Variants in KCNT2 observed in about 807,000 individuals in gnomAD.
The protein encoded by KCNT2 is potassium sodium-activated channel subfamily T member 2.
A neutral mutation model predicts 153.8 loss-of-function variants in KCNT2; 67 were observed. That is an observed-to-expected ratio of 0.44 (90% CI 0.36 to 0.53). The LOEUF (loss-of-function observed/expected upper bound fraction) is 0.53, where lower values mean the gene tolerates loss of function less well. KCNT2 is among the 20% of genes least tolerant of loss of function. The probability of loss-of-function intolerance (pLI) is 0.00; values close to 1 mark genes in which losing one functional copy is unlikely to be tolerated. For synonymous variants in KCNT2, 500 were observed against 458.8 expected (o/e 1.09, Z -1.15); for missense variants, 975 against 1,354.8 (o/e 0.72, Z 4.40).
chr1:196,244,005 C>T (rs1383424578), intron 26 of KCNT2, among the ~76,000 whole-genome samples: 2 of 151,982 alleles, frequency 1.3e-5, no homozygotes, highest in African/African-American at 2.4e-5. Flanking sequence ...CCAGCTCAGC[C>T]ATAGTATGAT....
At chr1:196,594,356 T>A (rs1246029739) in intron 1 of KCNT2, among the ~76,000 whole-genome samples, 1 of 152,156 alleles carries the variant, frequency 6.6e-6, no homozygotes, top group Non-Finnish European at 1.5e-5. Flanking sequence ...CATTAAAAAC[T>A]ATTTTGTTTC....
intron 1 of KCNT2, among the ~76,000 whole-genome samples, chr1:196,537,581 G>T (rs924249117): frequency 3.9e-5 from 6 of 152,124 alleles, no homozygotes; most frequent in Non-Finnish European, 5.9e-5. Context: ...ACCTTGGCCA[G>T]TTCCTTCATC....
At chr1:196,495,564 C>A (rs1313379915) in intron 1 of KCNT2, among the ~76,000 whole-genome samples, 2 of 151,968 alleles carry the variant, frequency 1.3e-5, no homozygotes, top group African/African-American at 4.8e-5. Flanking sequence ...TCCCTACCTC[C>A]ATCTAACTTT....
chr1:196,258,690 T>G (rs1169221630), intron 25 of KCNT2, 196 bp from the exon 26 acceptor site: 3 of 638,634 alleles, frequency 4.7e-6, no homozygotes, highest in African/African-American at 3.7e-5. Flanking sequence ...AACGTACATA[T>G]AAATCAGGCA....
chr1:196,561,675 A>AAAAAAAAAAAC (rs1553254846), intron 1 of KCNT2, among the ~76,000 whole-genome samples: 1 of 36,472 alleles, frequency 2.7e-5, no homozygotes, highest in Non-Finnish European at 1.1e-4. Context: ...AAAAAAAAAA[A>AAAAAAAAAAAC]AAGAAGAAGA....
In KCNT2 at chr1:196,326,769, A is replaced by G. The variant is rs1663901752; in HGVS notation, c.2224T>C (p.Tyr742His). The part of the protein sequence containing the change: ...LYNFIVPLRA[Y>H]YRPKKELNPI... ...TTAAGTTCTTTCTTTGGTCTATAAT[A>G]TGCCCTGAGAGGAACAATAAAGTTA... Residue 742 changes from tyrosine (Y) to histidine (H), a missense_variant, in exon 19 of 28, where the codon TAT becomes CAT. By Grantham distance (83) the Tyr-to-His change is moderately conservative (BLOSUM62 2). Coordinates refer to ENST00000294725, the MANE Select transcript of KCNT2 (RefSeq NM_198503.5). 1.3e-6 allele frequency: 2 copies of G among 1,574,526 alleles called. No individual in the cohort carries two copies. The highest frequency in any genetic ancestry group is 1.4e-5 in the African/African-American group (1 of 72,346).
intron 14 of KCNT2, among the ~76,000 whole-genome samples, chr1:196,362,001 A>T (rs773668204): frequency 2.3e-4 from 35 of 151,928 alleles, no homozygotes; most frequent in Non-Finnish European, 3.4e-4. Flanking sequence ...CCTAAGGAGG[A>T]GGGTGATGGA....
intron 26 of KCNT2, 168 bp downstream of exon 26, chr1:196,258,026 T>G (rs1656667997): frequency 7.0e-7 from 1 of 1,420,304 alleles, no homozygotes; most frequent in Non-Finnish European, 9.2e-7. Flanking sequence ...GCATTTTATC[T>G]TATCATCATC....
chr1:196,357,472 T>C (rs763519298), intron 14 of KCNT2, among the ~76,000 whole-genome samples: 1 of 151,994 alleles, frequency 6.6e-6, no homozygotes, highest in Admixed American at 6.6e-5. Context: ...TTTTAATTTA[T>C]TCCAATCCCT....
intron 8 of KCNT2, among the ~76,000 whole-genome samples, chr1:196,431,757 C>G (rs903398497): frequency 2.6e-5 from 4 of 151,946 alleles, no homozygotes; most frequent in African/African-American, 9.7e-5. Context: ...ATTAAAAATG[C>G]AATTTATAAT....
At position 196,483,873 on chromosome 1, in the gene KCNT2, T is replaced by C. The variant is rs1166571982; in HGVS notation, c.276-1494A>G. On this transcript the variant is annotated intron_variant, in intron 3 of 27. Coordinates refer to ENST00000294725, the MANE Select transcript of KCNT2 (RefSeq NM_198503.5). ...TGCCTTGCTAAGTACCTGCATATAT[T>C]AAACTAGGTAACCAATGATCAATGA... Among the ~76,000 whole-genome samples, 3 of 152,184 alleles carry C rather than the reference T, an allele frequency of 2.0e-5. No individual in the cohort carries two copies. In the East Asian group the frequency reaches 5.8e-4, roughly 29 times the overall value.
intron 14 of KCNT2, among the ~76,000 whole-genome samples, chr1:196,355,861 T>A (rs906026838): frequency 3.3e-5 from 5 of 151,798 alleles, no homozygotes; most frequent in African/African-American, 1.2e-4. Context: ...TAAAATTTTA[T>A]AGCTACATTG....
chr1:196,526,778 A>G (rs978546972), intron 1 of KCNT2, among the ~76,000 whole-genome samples: 2 of 151,992 alleles, frequency 1.3e-5, no homozygotes, highest in African/African-American at 2.4e-5. Context: ...GGATAAGCCA[A>G]TGTGTTCTTG....
chr1:196,231,524 A>G (rs1653954665), intron 27 of KCNT2, among the ~76,000 whole-genome samples: 1 of 151,920 alleles, frequency 6.6e-6, no homozygotes. Flanking sequence ...AAAAAAAGAA[A>G]TTCCAAACAT....
At chr1:196,588,595 T>A (rs1234547503) in intron 1 of KCNT2, among the ~76,000 whole-genome samples, 1 of 152,058 alleles carries the variant, frequency 6.6e-6, no homozygotes, top group Non-Finnish European at 1.5e-5. Context: ...TAAATGTCCT[T>A]GTTTGCCTTT....
chr1:196,397,896 G>C (rs1204427621), intron 13 of KCNT2, among the ~76,000 whole-genome samples: 1 of 151,132 alleles, frequency 6.6e-6, no homozygotes. Flanking sequence ...GTGATTGTGG[G>C]GAAAACGTGC....
Position 196,281,033 on chromosome 1 carries a change from A to G in KCNT2, c.2782-45T>C, listed in dbSNP as rs779204347. ...TTTACATATTAAATGTGTCAGAAAT[A>G]AAAACCTAGTGGTAACTTTACATTT... On this transcript the variant is annotated intron_variant, in intron 24 of 27. Coordinates refer to ENST00000294725, the MANE Select transcript of KCNT2 (RefSeq NM_198503.5). The G allele has an allele frequency of 1.0e-5, 15 of 1,459,940 alleles. No individual in the cohort carries two copies. The Admixed American group carries it at 1.6e-4, about 16-fold the overall frequency. The allele number at this position is 1,459,940 out of a possible 1,614,324, so 90.4% of individuals were successfully genotyped here.
At chr1:196,288,998 G>C (rs1037805718) in intron 22 of KCNT2, among the ~76,000 whole-genome samples, 8 of 151,724 alleles carry the variant, frequency 5.3e-5, no homozygotes, top group African/African-American at 1.9e-4. Context: ...CTGTGAATTG[G>C]GATTCATATT....
chr1:196,294,495 C>T (rs1429216964), intron 22 of KCNT2, among the ~76,000 whole-genome samples: 1 of 152,020 alleles, frequency 6.6e-6, no homozygotes, highest in South Asian at 2.1e-4. Context: ...AGGATGATCT[C>T]AATCTGCTGA....
Sources: allele counts gnomAD v4.1 joint callset (sites outside exome capture counted in the v4.1 genomes callset), GRCh38; gene constraint gnomAD v4.1.1; transcripts MANE v1.5; gene names NCBI Gene and HGNC (gene_info 2026-07-23, HGNC 2026-07-21).